MAGI3: variants seen among roughly 807,000 people sequenced by gnomAD.
The protein encoded by MAGI3 is membrane associated guanylate kinase, WW and PDZ domain containing 3, also known as membrane-associated guanylate kinase, WW and PDZ domain-containing protein 3.
MAGI3 carries 43 observed loss-of-function variants against 121.8 expected under a neutral mutation model. That is an observed-to-expected ratio of 0.35 (90% CI 0.28 to 0.46). MAGI3 has a LOEUF of 0.46. Ranked by LOEUF, MAGI3 falls within the 20% of genes least tolerant of loss-of-function variation. The probability of loss-of-function intolerance (pLI) is 1.00; values close to 1 mark genes in which losing one functional copy is unlikely to be tolerated. For missense variants in MAGI3, 1,547 were observed against 1,797.3 expected (o/e 0.86, Z 2.52); for synonymous variants, 553 against 639.3 (o/e 0.86, Z 2.04).
intron 1 of MAGI3, among the ~76,000 whole-genome samples, chr1:113,539,285 C>T (rs1389553589): frequency 6.6e-6 from 1 of 150,916 alleles, no homozygotes; most frequent in East Asian, 2.0e-4. Context: ...CCCAGCTGCT[C>T]GGGAGGCTGA....
intron 9 of MAGI3, among the ~76,000 whole-genome samples, chr1:113,639,888 A>G (rs974417871): frequency 1.3e-5 from 2 of 151,958 alleles, no homozygotes; most frequent in African/African-American, 2.4e-5. Context: ...GTATTTTAGT[A>G]GAGATGGGGT....
rs779008873 is a variant in MAGI3 at position 113,683,760 on chromosome 1, G to T, written c.4192G>T (p.Asp1398Tyr). 1 of 1,603,378 alleles carries T rather than the reference G, an allele frequency of 6.2e-7. No homozygotes were observed. Among genetic ancestry groups the T allele is most frequent in the Admixed American group, 1.7e-5 (1 of 58,036 alleles). ...CACAGGAGAAACAAGTTCTAGTAAC[G>T]ATAAAATAGGAGAAAATGTCCAGCT... ...VTTGETSSSN[D>Y]KIGENVQLSE... The change falls in exon 21 of 21, where the codon GAT becomes TAT. Residue 1398 changes from aspartate (D) to tyrosine (Y), a missense_variant. Asp to Tyr is a radical substitution (Grantham distance 160, BLOSUM62 -3). Transcript: ENST00000307546.
At chr1:113,527,922 A>G (rs1658527378) in intron 1 of MAGI3, among the ~76,000 whole-genome samples, 1 of 152,184 alleles carries the variant, frequency 6.6e-6, no homozygotes. Flanking sequence ...AGGACAATGA[A>G]TACCCATATA....
chr1:113,410,613 T>TA (rs57125462), intron 1 of MAGI3, among the ~76,000 whole-genome samples: 36,633 of 151,756 alleles, frequency 0.24, 5,076 homozygotes, highest in East Asian at 0.63. Context: ...ATTATTTTAT[T>TA]GGCAGTGTTA....
Position 113,685,419 on chromosome 1 carries a change from A to T in MAGI3, c.*1405A>T, listed in dbSNP as rs1387475370. The stretch of plus-strand genomic sequence containing the variant: ...ACCTGGGTTCATCTTGTTGTGAAGC[A>T]CATTAGGTCCAGGTCCTTCCCTCTG... On this transcript the variant is annotated 3_prime_UTR_variant, in exon 21 of 21. Transcript: ENST00000307546. 1 of 152,394 alleles carries T rather than the reference A, an allele frequency of 6.6e-6. No individual in the cohort carries two copies. The highest frequency in any genetic ancestry group is 1.9e-4 in the East Asian group (1 of 5,332). 9.4% of individuals were successfully genotyped at this position (152,394 alleles called of 1,614,324 possible).
At chr1:113,405,474 C>CAAAAAAAAAAAAAAAAAAAAAAAAA (rs5777158) in intron 1 of MAGI3, among the ~76,000 whole-genome samples, 1 of 54,328 alleles carries the variant, frequency 1.8e-5, no homozygotes, top group Admixed American at 2.8e-4. Context: ...GAAACTGTCT[C>CAAAAAAAAAAAAAAAAAAAAAAAAA]AAAAAAAAAA....
intron 2 of MAGI3, among the ~76,000 whole-genome samples, chr1:113,580,169 A>C (rs1647920218): frequency 1.3e-5 from 2 of 152,178 alleles, no homozygotes; most frequent in African/African-American, 2.4e-5. Context: ...TTCACATATA[A>C]AGTAACTTTA....
intron 1 of MAGI3, among the ~76,000 whole-genome samples, chr1:113,539,519 G>T (rs1433512688): frequency 1.3e-5 from 2 of 151,526 alleles, no homozygotes; most frequent in African/African-American, 4.8e-5. Flanking sequence ...TTTTATGTGT[G>T]TCGCTTACAT....
intron 1 of MAGI3, among the ~76,000 whole-genome samples, chr1:113,423,044 T>C (rs1334112290): frequency 6.6e-6 from 1 of 152,124 alleles, no homozygotes; most frequent in African/African-American, 2.4e-5. Context: ...CGACCAAGAA[T>C]GTGTTACATA....
chr1:113,625,280 A>G (rs965958452), intron 9 of MAGI3, among the ~76,000 whole-genome samples: 2 of 152,176 alleles, frequency 1.3e-5, no homozygotes, highest in African/African-American at 2.4e-5. Context: ...CATTGAATCT[A>G]TAGATTGGTT....
intron 14 of MAGI3, among the ~76,000 whole-genome samples, chr1:113,653,521 G>A (rs1163941615): frequency 1.3e-5 from 2 of 151,786 alleles, no homozygotes; most frequent in Non-Finnish European, 2.9e-5. Context: ...GCAATGAGCC[G>A]AGATCGCGCC....
intron 6 of MAGI3, among the ~76,000 whole-genome samples, chr1:113,611,826 C>T (rs577236110): frequency 1.8e-4 from 28 of 152,258 alleles, no homozygotes; most frequent in African/African-American, 6.7e-4. Flanking sequence ...TTGCATACAA[C>T]TTTCATTCTA....
chr1:113,676,028 A>C (rs12751128), intron 19 of MAGI3, among the ~76,000 whole-genome samples: 5 of 144,436 alleles, frequency 3.5e-5, no homozygotes, highest in East Asian at 2.0e-4. Context: ...CTCCCCTCCT[A>C]TCTTCTCTTC....
chr1:113,475,002 T>C (rs1028343139), intron 1 of MAGI3, among the ~76,000 whole-genome samples: 2 of 152,206 alleles, frequency 1.3e-5, no homozygotes, highest in African/African-American at 2.4e-5. Context: ...TTTGTAGCAA[T>C]TGTGAATGGG....
chr1:113,566,966 A>AT (rs1302501188), intron 2 of MAGI3, among the ~76,000 whole-genome samples: 8 of 151,852 alleles, frequency 5.3e-5, no homozygotes, highest in Non-Finnish European at 7.4e-5. Flanking sequence ...AATAGAAAAC[A>AT]TTAAAAAAAA....
chr1:113,413,132 G>A (rs999746752), intron 1 of MAGI3, among the ~76,000 whole-genome samples: 2 of 152,144 alleles, frequency 1.3e-5, no homozygotes, highest in Non-Finnish European at 2.9e-5. Context: ...TATTACATAG[G>A]GAATCCTTTC....
intron 1 of MAGI3, among the ~76,000 whole-genome samples, chr1:113,542,617 T>C (rs1435750040): frequency 6.6e-6 from 1 of 152,218 alleles, no homozygotes; most frequent in African/African-American, 2.4e-5. Context: ...CCTAAGTACC[T>C]ACTCCTCAGA....
chr1:113,647,934 TCCCCTGA>T, intron 12 of MAGI3, among the ~76,000 whole-genome samples: 1 of 146,964 alleles, frequency 6.8e-6, no homozygotes, highest in African/African-American at 2.6e-5. Context: ...TTTTTTTTTT[TCCCCTGA>T]GACAGAGTCT....
intron 1 of MAGI3, among the ~76,000 whole-genome samples, chr1:113,416,019 G>A (rs200153650): frequency 0.13 from 17,550 of 131,528 alleles, 2,077 homozygotes; most frequent in East Asian, 0.6. Context: ...TATTAATTAT[G>A]TAATTAATGA....
Sources: gnomAD v4.1 joint callset for allele counts (sites outside exome capture counted in the v4.1 genomes callset) on GRCh38, gnomAD v4.1.1 for gene constraint, MANE v1.5 for transcripts, NCBI Gene and HGNC (gene_info 2026-07-23, HGNC 2026-07-21) for gene names.